Variants in RNF217 observed in about 807,000 individuals in gnomAD.
RNF217 encodes the protein ring finger protein 217, also known as E3 ubiquitin-protein ligase RNF217.
A neutral mutation model predicts 57.8 loss-of-function variants in RNF217; 31 were observed. The observed-to-expected ratio is 0.54, with a 90% confidence interval of 0.40 to 0.72. The LOEUF is 0.72. Among genes scored for constraint, RNF217 ranks in the 30% least tolerant of loss-of-function variants. RNF217 has a pLI of 0.00. For synonymous variants in RNF217, 313 were observed against 294.0 expected (o/e 1.06, Z -0.66); for missense variants, 696 against 708.3 (o/e 0.98, Z 0.20).
At chr6:125,072,958 T>C (rs1317674075) in intron 3 of RNF217, among the ~76,000 whole-genome samples, 1 of 152,228 alleles carries the variant, frequency 6.6e-6, no homozygotes, top group Non-Finnish European at 1.5e-5. Flanking sequence ...GGTGCAGTTA[T>C]AAGGCTTAAA....
At chr6:125,033,007 G>A (rs933436944) in intron 1 of RNF217, among the ~76,000 whole-genome samples, 2 of 152,012 alleles carry the variant, frequency 1.3e-5, no homozygotes, top group Non-Finnish European at 2.9e-5. Flanking sequence ...ACTTTTCCCT[G>A]ATGACTTATG....
chr6:125,091,008 T>G lies in RNF217; in HGVS notation c.*8071T>G, dbSNP rs532570441. 2.0e-5 allele frequency: 3 copies of G among 152,144 alleles called. No individual in the cohort carries two copies. The South Asian group carries it at 6.2e-4, about 31-fold the overall frequency. 9.4% of individuals were successfully genotyped at this position (152,144 alleles called of 1,614,324 possible). A position where few individuals can be genotyped will look rare whatever the true frequency, so the allele number is the denominator to read the frequency against. ...TCAAAAGAAATTGCAAAGGAAAAAT[T>G]ACGTTGAGATGAAATGTTGAGAAAT... is the stretch of plus-strand genomic sequence containing the variant. On this transcript the variant is annotated 3_prime_UTR_variant, in exon 6 of 6. Coordinates refer to ENST00000521654, the MANE Select transcript of RNF217 (RefSeq NM_001286398.3).
chr6:125,051,722 G>T (rs750211974), intron 2 of RNF217, among the ~76,000 whole-genome samples: 16 of 151,968 alleles, frequency 1.1e-4, no homozygotes, highest in Non-Finnish European at 1.9e-4. Context: ...ATTTCCTTAT[G>T]TACACTTAAC....
chr6:125,008,347 G>A (rs987343635), intron 1 of RNF217, among the ~76,000 whole-genome samples: 1 of 152,116 alleles, frequency 6.6e-6, no homozygotes, highest in Non-Finnish European at 1.5e-5. Context: ...CCACAAGTAA[G>A]TGAAATCATG....
At chr6:125,008,762 T>C (rs1276666450) in intron 1 of RNF217, 1 of 145,622 alleles carries the variant, frequency 6.9e-6, no homozygotes, top group Non-Finnish European at 1.5e-5. Context: ...TTTTTAACCC[T>C]GTAGGTTTCC....
chr6:125,012,855 C>T (rs1033964239), intron 1 of RNF217, among the ~76,000 whole-genome samples: 1 of 152,124 alleles, frequency 6.6e-6, no homozygotes, highest in African/African-American at 2.4e-5. Flanking sequence ...TCACTATATT[C>T]CACTTCCTTT....
chr6:125,036,361 A>G (rs1279580859), intron 1 of RNF217, among the ~76,000 whole-genome samples: 2 of 152,144 alleles, frequency 1.3e-5, no homozygotes, highest in African/African-American at 2.4e-5. Context: ...AGTCTTTGCT[A>G]TTGTGAATAG....
At chr6:125,025,602 T>C (rs1429471231) in intron 1 of RNF217, among the ~76,000 whole-genome samples, 5 of 142,026 alleles carry the variant, frequency 3.5e-5, no homozygotes, top group African/African-American at 5.5e-5. Flanking sequence ...GAGGGATATT[T>C]CCAAATGTAC....
intron 1 of RNF217, among the ~76,000 whole-genome samples, chr6:124,964,093 C>T (rs1207436531): frequency 6.6e-6 from 1 of 152,230 alleles, no homozygotes; most frequent in Non-Finnish European, 1.5e-5. Context: ...AACTTTCCTC[C>T]TCTGCTTTTA....
chr6:124,981,827 G>A (rs1784177703), intron 1 of RNF217, among the ~76,000 whole-genome samples: 1 of 151,144 alleles, frequency 6.6e-6, no homozygotes, highest in Non-Finnish European at 1.5e-5. Flanking sequence ...GACCATCCTG[G>A]CGAACGTGGT....
At chr6:125,050,023 G>A (rs1450827687) in intron 2 of RNF217, among the ~76,000 whole-genome samples, 7 of 151,798 alleles carry the variant, frequency 4.6e-5, no homozygotes, top group South Asian at 2.1e-4. Context: ...TTGAACTTAC[G>A]AAAATGAAAA....
At chr6:124,996,190 A>AT (rs1489136273) in intron 1 of RNF217, among the ~76,000 whole-genome samples, 7 of 152,140 alleles carry the variant, frequency 4.6e-5, no homozygotes, top group Admixed American at 3.9e-4. Context: ...TTCATCGTAT[A>AT]TTTAAGTGTT....
At chr6:125,055,729 A>C (rs1787495857) in intron 2 of RNF217, among the ~76,000 whole-genome samples, 2 of 152,158 alleles carry the variant, frequency 1.3e-5, no homozygotes, top group Admixed American at 1.3e-4. Flanking sequence ...TTAATGTTAG[A>C]TGCATAAGGA....
At chr6:125,001,768 T>C (rs1454395965) in intron 1 of RNF217, among the ~76,000 whole-genome samples, 1 of 152,250 alleles carries the variant, frequency 6.6e-6, no homozygotes, top group Non-Finnish European at 1.5e-5. Flanking sequence ...GCATTGATTT[T>C]GTATTATTTG....
intron 1 of RNF217, among the ~76,000 whole-genome samples, chr6:124,995,139 A>G (rs1252988657): frequency 2.0e-5 from 3 of 152,184 alleles, no homozygotes; most frequent in Non-Finnish European, 1.5e-5. Flanking sequence ...CACCTTCTTC[A>G]TCCATATTTT....
At chr6:125,059,848 A>G (rs1787664707) in intron 3 of RNF217, among the ~76,000 whole-genome samples, 1 of 152,200 alleles carries the variant, frequency 6.6e-6, no homozygotes, top group Non-Finnish European at 1.5e-5. Flanking sequence ...GGGCTTTAAA[A>G]GGGATTACCT....
In RNF217 at chr6:125,009,441, CCATCTCTTTCTAGA is replaced by C. The variant is rs1582703674; in HGVS notation, c.883-35769_883-35756del. On this transcript the variant is annotated intron_variant, in intron 1 of 5. Transcript: ENST00000521654. ...ATAAGTGATTTTCTTTCAGATGGTG[CCATCTCTTTCTAGA>C]AAGAATGTAAGAAGGCAGAAAAAAA... The C allele has an allele frequency of 7.9e-5, 40 of 506,008 alleles. No individual in the cohort carries two copies. The East Asian group carries it at 1.2e-3, about 15-fold the overall frequency. The allele number at this position is 506,008 out of a possible 1,614,324, so 31.3% of individuals were successfully genotyped here. A position where few individuals can be genotyped will look rare whatever the true frequency, so the allele number is the denominator to read the frequency against.
At chr6:125,018,484 C>G (rs749347744) in intron 1 of RNF217, among the ~76,000 whole-genome samples, 1 of 151,942 alleles carries the variant, frequency 6.6e-6, no homozygotes, top group Non-Finnish European at 1.5e-5. Flanking sequence ...GAAGACTTTT[C>G]AAACACATTA....
rs750400819 is a variant in RNF217 at position 125,081,522 on chromosome 6, A to G, written c.1555+15A>G. The G allele has an allele frequency of 1.9e-6, 3 of 1,595,280 alleles. No individual in the cohort carries two copies. The highest frequency in any genetic ancestry group is 2.6e-6 in the Non-Finnish European group (3 of 1,164,486). ...GGTTGTAATCGGTAAGAAACACTTC[A>G]TGCATCTGAGATTAGAATTATCTGA... On this transcript the variant is annotated intron_variant, in intron 5 of 5. Transcript: ENST00000521654.
Sources: allele counts gnomAD v4.1 joint callset (sites outside exome capture counted in the v4.1 genomes callset), GRCh38; gene constraint gnomAD v4.1.1; transcripts MANE v1.5; gene names NCBI Gene and HGNC (gene_info 2026-07-23, HGNC 2026-07-21).